The following SPTBN1 variants were observed in gnomAD, a reference collection of about 807,000 sequenced individuals.
The protein encoded by SPTBN1 is spectrin beta chain, non-erythrocytic 1.
Under a neutral mutation model 266.4 loss-of-function variants are expected in SPTBN1, and 32 were observed. The observed-to-expected ratio is 0.12, with a 90% CI of 0.09 to 0.16. The LOEUF (loss-of-function observed/expected upper bound fraction) is 0.16, where lower values mean the gene tolerates loss of function less well. Among genes scored for constraint, SPTBN1 ranks in the 10% least tolerant of loss-of-function variants. SPTBN1 has a pLI of 1.00. For missense variants in SPTBN1, 2,296 were observed against 3,067.1 expected (o/e 0.75, Z 5.94); for synonymous variants, 1,336 against 1,162.2 (o/e 1.15, Z -3.04).
chr2:54,555,690 T>G (rs1437592543), intron 2 of SPTBN1, among the ~76,000 whole-genome samples: 1 of 152,218 alleles, frequency 6.6e-6, no homozygotes, highest in Non-Finnish European at 1.5e-5. Flanking sequence ...TAGTTCTAAC[T>G]TGCTTTTCGG....
rs1297143798 is a variant in SPTBN1, at chr2:54,554,734, C to T, written c.148+28168C>T. 6.6e-6 allele frequency among the ~76,000 whole-genome samples: 1 copy of T among 152,180 alleles called. No individual in the cohort carries two copies. The highest frequency in any genetic ancestry group is 1.5e-5 in the Non-Finnish European group (1 of 68,022). On this transcript the variant is annotated intron_variant, in intron 2 of 35. Transcript: ENST00000356805. This position sits in a 1 kb window ranked among gnomAD's most constrained non-coding sequence, Gnocchi z 4.5. ...GGACTTGAGTCTTTCCACCAGCCCA[C>T]AGCACTTTTGATCTGTTCCATCCAT...
In SPTBN1 at chr2:54,567,830, C is replaced by T. The variant is rs529135033; in HGVS notation, c.149-31262C>T. On this transcript the variant is annotated intron_variant, in intron 2 of 35. Coordinates refer to ENST00000356805, the MANE Select transcript of SPTBN1 (RefSeq NM_003128.3). ...CTAGTCTGACTGCTGGTATGATGATCGTTTTGGAGGGTGCTGGTCAAGGAA... is the reference window on the plus strand; with the variant it reads ...CTAGTCTGACTGCTGGTATGATGATTGTTTTGGAGGGTGCTGGTCAAGGAA... Among the ~76,000 whole-genome samples, 14 of 152,162 alleles carry T rather than the reference C, an allele frequency of 9.2e-5. No individual in the cohort carries two copies. In the South Asian group the frequency reaches 1.5e-3, roughly 16 times the overall value.
chr2:54,460,085 C>T (rs1693282839), intron 1 of SPTBN1, among the ~76,000 whole-genome samples: 1 of 152,188 alleles, frequency 6.6e-6, no homozygotes, highest in African/African-American at 2.4e-5. Flanking sequence ...GGACCTTCAA[C>T]ATTAGAATCG....
intron 3 of SPTBN1, among the ~76,000 whole-genome samples, chr2:54,599,939 C>G (rs1676370373): frequency 6.6e-6 from 1 of 152,162 alleles, no homozygotes; most frequent in Non-Finnish European, 1.5e-5. Flanking sequence ...CAGGTTTTGT[C>G]TCACCTTGGT....
chr2:54,612,389 G>A (rs1047210140), intron 4 of SPTBN1, 55 bp downstream of exon 4: 1 of 1,550,904 alleles, frequency 6.4e-7, no homozygotes, highest in Non-Finnish European at 8.7e-7. Context: ...TCAGGTATGA[G>A]CATTGTTATA....
chr2:54,461,809 G>A (rs973954171), intron 1 of SPTBN1, among the ~76,000 whole-genome samples: 1 of 152,034 alleles, frequency 6.6e-6, no homozygotes, highest in Non-Finnish European at 1.5e-5. Flanking sequence ...CTAATCCTTT[G>A]TGGATTACAT....
At chr2:54,465,666 A>ATATATATATATATATATATATATATC (rs1408352073) in intron 1 of SPTBN1, among the ~76,000 whole-genome samples, 2 of 137,800 alleles carry the variant, frequency 1.5e-5, no homozygotes, top group African/African-American at 2.7e-5. Context: ...ATATATATAT[A>ATATATATATATATATATATATATATC]TATCTCACAC....
At chr2:54,456,862 C>T (rs1693061573) in intron 1 of SPTBN1, among the ~76,000 whole-genome samples, 1 of 151,376 alleles carries the variant, frequency 6.6e-6, no homozygotes, top group South Asian at 2.1e-4. Flanking sequence ...CCTGCCTCCG[C>T]CGGCGCCTCC....
chr2:54,636,845 G>A (rs1263306475), intron 17 of SPTBN1, among the ~76,000 whole-genome samples: 1 of 152,198 alleles, frequency 6.6e-6, no homozygotes, highest in Admixed American at 6.5e-5. Context: ...GTGTATGTGT[G>A]GCAGTGCTTT....
At chr2:54,480,163 A>G (rs769314650) in intron 1 of SPTBN1, among the ~76,000 whole-genome samples, 3 of 152,148 alleles carry the variant, frequency 2.0e-5, no homozygotes, top group Non-Finnish European at 2.9e-5. Context: ...GGTGCTGGGT[A>G]TTGGGACACT....
intron 1 of SPTBN1, among the ~76,000 whole-genome samples, chr2:54,460,514 G>A (rs923390670): frequency 6.6e-6 from 1 of 152,108 alleles, no homozygotes; most frequent in African/African-American, 2.4e-5. Context: ...TTGGTTTTGA[G>A]ACATCAGAGC....
Position 54,637,930 on chromosome 2 carries a change from C to A in SPTBN1, c.3858+127C>A. On this transcript the variant is annotated intron_variant, in intron 18 of 35. Coordinates refer to ENST00000356805, the MANE Select transcript of SPTBN1 (RefSeq NM_003128.3). The stretch of plus-strand genomic sequence containing the variant: ...AGAAATCCATAGCACCCATTTGACT[C>A]GCAGGCAGGGATACGTGGCACTTCA... 4 of 736,416 alleles carry A rather than the reference C, an allele frequency of 5.4e-6. No individual in the cohort carries two copies. The South Asian group carries it at 5.5e-5, about 10-fold the overall frequency. 45.6% of individuals were successfully genotyped at this position (736,416 alleles called of 1,614,324 possible).
At chr2:54,639,116 A>G (rs1246612815) in intron 18 of SPTBN1, among the ~76,000 whole-genome samples, 2 of 152,216 alleles carry the variant, frequency 1.3e-5, no homozygotes, top group African/African-American at 4.8e-5. Flanking sequence ...GCCTCTTCTA[A>G]GTGACACGCA....
At chr2:54,611,547 A>G (rs147467415) in intron 3 of SPTBN1, among the ~76,000 whole-genome samples, 76 of 152,234 alleles carry the variant, frequency 5.0e-4, no homozygotes, top group African/African-American at 1.8e-3. Flanking sequence ...ACGTTTTGAT[A>G]AAACTGGGTA....
chr2:54,662,376 G>T, intron 32 of SPTBN1: 1 of 973,138 alleles, frequency 1.0e-6, no homozygotes, highest in Non-Finnish European at 1.2e-6. Context: ...ACTGGTTTGG[G>T]GTTTTCTCTT....
At chr2:54,476,636 C>T (rs1056273592) in intron 1 of SPTBN1, among the ~76,000 whole-genome samples, 1 of 152,220 alleles carries the variant, frequency 6.6e-6, no homozygotes, top group African/African-American at 2.4e-5. Flanking sequence ...TTCATAGCCT[C>T]TCTCGGATGC....
Position 54,598,947 on chromosome 2 carries a change from G to A in SPTBN1, c.149-145G>A, listed in dbSNP as rs118151276. On this transcript the variant is annotated intron_variant, in intron 2 of 35. Transcript: ENST00000356805. ...AGTGTTCTTTCTCAAAGACATGACC[G>A]CAGTTAAGGGGCGCTAAGTAGAGGT... 7.7e-5 allele frequency: 59 copies of A among 763,564 alleles called. 1 individual carries two copies. The East Asian group carries it at 1.3e-3, about 17-fold the overall frequency. The allele number at this position is 763,564 out of a possible 1,614,324, so 47.3% of individuals were successfully genotyped here.
chr2:54,624,339 G>C (rs539066897), intron 10 of SPTBN1, among the ~76,000 whole-genome samples: 10 of 152,090 alleles, frequency 6.6e-5, no homozygotes, highest in Non-Finnish European at 1.2e-4. Context: ...AGATTTCCTA[G>C]GAATGAATTT....
In SPTBN1 at chr2:54,517,912, G is replaced by A. The variant is rs189992573; in HGVS notation, c.-47-8460G>A. Reference sequence around the variant, plus strand: ...GCCCGCCTCAGCCTCCCAAAGTGCTGGGATTACAGGCATGAGCCACTGTGC... The same window carrying A: ...GCCCGCCTCAGCCTCCCAAAGTGCTAGGATTACAGGCATGAGCCACTGTGC... On this transcript the variant is annotated intron_variant, in intron 1 of 35. Transcript: ENST00000356805. Among the ~76,000 whole-genome samples the A allele has an allele frequency of 7.9e-3, 1,203 of 151,354 alleles. 10 individuals carry two copies. Among genetic ancestry groups the A allele is most frequent in the Non-Finnish European group, 0.011 (753 of 67,942 alleles).
Sources: gnomAD v4.1 joint callset for allele counts (sites outside exome capture counted in the v4.1 genomes callset) on GRCh38, gnomAD v4.1.1 for gene constraint, Gnocchi (gnomAD v3.1) non-coding constraint, MANE v1.5 for transcripts, NCBI Gene and HGNC (gene_info 2026-07-23, HGNC 2026-07-21) for gene names.